GAD2: variants seen among roughly 807,000 people sequenced by gnomAD.
GAD2 encodes the protein 65 kDa glutamic acid decarboxylase.
GAD2 carries 22 observed loss-of-function variants against 80.1 expected under a neutral mutation model. The observed-to-expected ratio is 0.27, with a 90% confidence interval of 0.20 to 0.39. The LOEUF (loss-of-function observed/expected upper bound fraction) is 0.39, where lower values mean the gene tolerates loss of function less well. Among genes scored for constraint, GAD2 ranks in the 10% least tolerant of loss-of-function variants. The pLI, the probability that GAD2 is intolerant of heterozygous loss-of-function variation, is 1.00. For missense variants in GAD2, 624 were observed against 738.4 expected (o/e 0.85, Z 1.80); for synonymous variants, 274 against 256.9 (o/e 1.07, Z -0.64).
Position 26,222,438 on chromosome 10 carries a change from G to A in GAD2, c.521-1449G>A, listed in dbSNP as rs139073399. 4.6e-5 allele frequency among the ~76,000 whole-genome samples: 7 copies of A among 151,724 alleles called. No homozygotes were observed. In the East Asian group the frequency reaches 1.4e-3, roughly 30 times the overall value. On this transcript the variant is annotated intron_variant, in intron 4 of 15. Coordinates refer to ENST00000376261, the MANE Select transcript of GAD2 (RefSeq NM_001134366.2). Reference sequence around the variant, plus strand: ...AGGGAAAGAGAAATGAAGGAGCATCGGGAGGGAGGAAATGGCTGTGATTTC... The same window carrying A: ...AGGGAAAGAGAAATGAAGGAGCATCAGGAGGGAGGAAATGGCTGTGATTTC...
intron 4 of GAD2, among the ~76,000 whole-genome samples, chr10:26,220,991 G>C (rs1488754049): frequency 6.6e-6 from 1 of 152,206 alleles, no homozygotes; most frequent in East Asian, 1.9e-4. Flanking sequence ...ATAAAAATGT[G>C]ATGGATTAAG....
intron 4 of GAD2, among the ~76,000 whole-genome samples, chr10:26,221,582 G>A (rs1050005144): frequency 2.6e-5 from 4 of 152,238 alleles, no homozygotes; most frequent in Admixed American, 6.5e-5. Context: ...GGCAGCCCTA[G>A]TGTGAGTGTT....
At chr10:26,267,240 T>A (rs952090247) in intron 8 of GAD2, among the ~76,000 whole-genome samples, 11 of 152,198 alleles carry the variant, frequency 7.2e-5, no homozygotes, top group African/African-American at 2.7e-4. Context: ...TCACTCTCAG[T>A]TTTCTTGTTT....
chr10:26,237,586 G>A (rs970594468), intron 7 of GAD2, among the ~76,000 whole-genome samples: 1 of 152,028 alleles, frequency 6.6e-6, no homozygotes, highest in Non-Finnish European at 1.5e-5. Context: ...TCCTTAAGAG[G>A]GATGTGCCCT....
chr10:26,296,177 T>C (rs995519192), intron 15 of GAD2, among the ~76,000 whole-genome samples: 3 of 152,152 alleles, frequency 2.0e-5, no homozygotes, highest in Non-Finnish European at 2.9e-5. Flanking sequence ...GGGAGCTCTC[T>C]GGGGTCCCTA....
intron 7 of GAD2, among the ~76,000 whole-genome samples, chr10:26,238,774 C>T (rs1844706136): frequency 6.6e-6 from 1 of 152,134 alleles, no homozygotes; most frequent in South Asian, 2.1e-4. Context: ...AAATCCAATG[C>T]TTTAGCAAGA....
intron 7 of GAD2, among the ~76,000 whole-genome samples, chr10:26,239,388 C>T (rs752773834): frequency 3.3e-5 from 5 of 152,136 alleles, no homozygotes; most frequent in Admixed American, 6.5e-5. Flanking sequence ...CAAGAAGACC[C>T]CTGGTCTTGC....
intron 7 of GAD2, among the ~76,000 whole-genome samples, chr10:26,245,482 A>G (rs957396637): frequency 6.6e-6 from 1 of 151,610 alleles, no homozygotes; most frequent in Non-Finnish European, 1.5e-5. Context: ...TTGTCTCCCA[A>G]GTTGGAGTGC....
chr10:26,266,438 A>G (rs184111316), intron 8 of GAD2, among the ~76,000 whole-genome samples: 13 of 152,344 alleles, frequency 8.5e-5, no homozygotes, highest in Non-Finnish European at 2.9e-5. Flanking sequence ...TCCTCCCCCA[A>G]GGCGTCCATA....
intron 13 of GAD2, among the ~76,000 whole-genome samples, chr10:26,286,901 AC>A (rs1044561258): frequency 6.6e-6 from 1 of 152,206 alleles, no homozygotes; most frequent in African/African-American, 2.4e-5. Flanking sequence ...TAAAAAGCCC[AC>A]CATGATAGCT....
At chr10:26,232,468 ACTTTT>A (rs1844616121) in intron 7 of GAD2, among the ~76,000 whole-genome samples, 3 of 131,690 alleles carry the variant, frequency 2.3e-5, no homozygotes, top group Admixed American at 7.6e-5. Context: ...AACTCAGTCT[ACTTTT>A]TTTTTTTTTT....
intron 8 of GAD2, among the ~76,000 whole-genome samples, chr10:26,255,586 T>C (rs1844932435): frequency 8.4e-6 from 1 of 119,384 alleles, no homozygotes; most frequent in African/African-American, 3.9e-5. Flanking sequence ...AGAGAGGAAA[T>C]GTGAATTATG....
chr10:26,250,504 G>A (rs1360262610), intron 8 of GAD2, among the ~76,000 whole-genome samples: 1 of 152,070 alleles, frequency 6.6e-6, no homozygotes, highest in African/African-American at 2.4e-5. Context: ...GTGGGATGAG[G>A]GAAGAAGGAG....
chr10:26,269,593 T>A (rs1380154028), intron 9 of GAD2, among the ~76,000 whole-genome samples: 2 of 152,202 alleles, frequency 1.3e-5, no homozygotes, highest in Non-Finnish European at 2.9e-5. Context: ...TCTCCAGACG[T>A]CTTATTTTGC....
chr10:26,291,692 C>T (rs1018347961), intron 13 of GAD2, among the ~76,000 whole-genome samples: 1 of 152,082 alleles, frequency 6.6e-6, no homozygotes, highest in African/African-American at 2.4e-5. Context: ...CCATCAGCAC[C>T]CAGTAAACAC....
intron 13 of GAD2, among the ~76,000 whole-genome samples, chr10:26,289,573 C>G (rs1834190464): frequency 6.6e-6 from 1 of 151,828 alleles, no homozygotes; most frequent in African/African-American, 2.4e-5. Context: ...AAGCGGCATA[C>G]TAGCTGGTTA....
At chr10:26,269,049 C>T (rs537022234) in intron 8 of GAD2, 70 bp from the exon 9 acceptor site, 18 of 1,176,550 alleles carry the variant, frequency 1.5e-5, no homozygotes, top group East Asian at 2.5e-5. Context: ...TACCCTCCTG[C>T]GGCCACTTAC....
At chr10:26,262,145 TA>T (rs148986841) in intron 8 of GAD2, among the ~76,000 whole-genome samples, 10,514 of 152,206 alleles carry the variant, frequency 0.069, 449 homozygotes, top group Non-Finnish European at 0.099. Context: ...TTGTCTTCTC[TA>T]TAAGAGTTTA....
chr10:26,240,718 T>C (rs1844730419), intron 7 of GAD2, among the ~76,000 whole-genome samples: 3 of 138,022 alleles, frequency 2.2e-5, no homozygotes, highest in South Asian at 4.6e-4. Context: ...GGCAACAGAG[T>C]GAGACTCCAT....
Sources: gnomAD v4.1 joint callset for allele counts (sites outside exome capture counted in the v4.1 genomes callset) on GRCh38, gnomAD v4.1.1 for gene constraint, MANE v1.5 for transcripts, NCBI Gene and HGNC (gene_info 2026-07-23, HGNC 2026-07-21) for gene names.